The following NBAS variants were observed in gnomAD, a reference collection of about 807,000 sequenced individuals.
NBAS encodes the protein NBAS subunit of NRZ tethering complex.
NBAS carries 219 observed loss-of-function variants against 302.5 expected under a neutral mutation model. That is an observed-to-expected ratio of 0.72 (90% CI 0.65 to 0.81). NBAS has a LOEUF of 0.81. NBAS is among the 30% of genes least tolerant of loss of function. NBAS has a pLI of 0.00. For missense variants in NBAS, 2,932 were observed against 2,841.6 expected (o/e 1.03, Z -0.72); for synonymous variants, 1,118 against 1,021.6 (o/e 1.09, Z -1.80).
intron 48 of NBAS, 24 bp downstream of exon 48, chr2:15,218,749 A>G (rs980419373): frequency 4.3e-6 from 7 of 1,614,032 alleles, no homozygotes; most frequent in African/African-American, 4.0e-5. Context: ...AGTAAGAAAA[A>G]TAATCATTCA....
chr2:15,345,332 G>A (rs751016838), intron 35 of NBAS, among the ~76,000 whole-genome samples: 3 of 152,220 alleles, frequency 2.0e-5, no homozygotes, highest in Non-Finnish European at 4.4e-5. Context: ...AAATCAATAT[G>A]TAAAAACCAC....
chr2:15,346,770 G>A (rs932290847), intron 35 of NBAS, among the ~76,000 whole-genome samples: 1 of 152,194 alleles, frequency 6.6e-6, no homozygotes, highest in Non-Finnish European at 1.5e-5. Context: ...ATCAAGGACA[G>A]ACTGGATAAA....
chr2:14,893,659 T>C, the NBAS span, among the ~76,000 whole-genome samples: 1 of 152,206 alleles, frequency 6.6e-6, no homozygotes. Flanking sequence ...TGAATAACTT[T>C]CAGTGGATTT....
At chr2:14,865,788 C>T in the NBAS span, among the ~76,000 whole-genome samples, 1 of 145,320 alleles carries the variant, frequency 6.9e-6, no homozygotes, top group Non-Finnish European at 1.5e-5. Flanking sequence ...ATCCTCACAA[C>T]AATCCTATGA....
At chr2:15,082,299 G>A in the NBAS span, among the ~76,000 whole-genome samples, 1 of 152,166 alleles carries the variant, frequency 6.6e-6, no homozygotes, top group Non-Finnish European at 1.5e-5. Context: ...GTATTCAACA[G>A]GTGTTTATGG....
the NBAS span, among the ~76,000 whole-genome samples, chr2:15,141,356 T>G: frequency 6.6e-6 from 1 of 152,242 alleles, no homozygotes; most frequent in Non-Finnish European, 1.5e-5. Flanking sequence ...TACCGGGGAC[T>G]GCCCAGTGAG....
At chr2:15,016,758 A>G in the NBAS span, among the ~76,000 whole-genome samples, 4 of 152,194 alleles carry the variant, frequency 2.6e-5, no homozygotes, top group African/African-American at 4.8e-5. Flanking sequence ...ACATCATGGT[A>G]CTGGCATAAA....
the NBAS span, among the ~76,000 whole-genome samples, chr2:14,973,456 A>G: frequency 6.6e-6 from 1 of 152,248 alleles, no homozygotes; most frequent in Non-Finnish European, 1.5e-5. Flanking sequence ...CTTTGAATGT[A>G]TGCATTCCAC....
intron 11 of NBAS, among the ~76,000 whole-genome samples, chr2:15,500,044 G>A (rs1254820366): frequency 6.6e-6 from 1 of 152,138 alleles, no homozygotes; most frequent in Non-Finnish European, 1.5e-5. Context: ...TGGAGAACGA[G>A]TTGTACTTTC....
At chr2:14,832,749 A>G in the NBAS span, among the ~76,000 whole-genome samples, 1 of 152,166 alleles carries the variant, frequency 6.6e-6, no homozygotes, top group South Asian at 2.1e-4. Flanking sequence ...CATGGATTCT[A>G]CACTAGGGTT....
the NBAS span, among the ~76,000 whole-genome samples, chr2:14,950,722 CTGGG>C: frequency 6.6e-6 from 1 of 152,110 alleles, no homozygotes. Context: ...CAAGCTGAGG[CTGGG>C]TGGTGGACAG....
At chr2:14,874,482 T>C in the NBAS span, among the ~76,000 whole-genome samples, 1 of 104,440 alleles carries the variant, frequency 9.6e-6, no homozygotes, top group Non-Finnish European at 2.1e-5. Context: ...AAAAAAAAAA[T>C]ACAAAAAATG....
chr2:14,912,366 G>A, the NBAS span, among the ~76,000 whole-genome samples: 4 of 152,184 alleles, frequency 2.6e-5, no homozygotes, highest in South Asian at 8.3e-4. Flanking sequence ...ACTAATAAAT[G>A]TCATTAATTA....
the NBAS span, among the ~76,000 whole-genome samples, chr2:15,010,402 C>T: frequency 6.6e-6 from 1 of 152,132 alleles, no homozygotes; most frequent in Non-Finnish European, 1.5e-5. Flanking sequence ...GTGAGAAAAA[C>T]ACACACATCA....
chr2:15,238,835 T>C lies in NBAS; in HGVS notation c.5725-149A>G, dbSNP rs566245756. 6 of 664,018 alleles carry C rather than the reference T, an allele frequency of 9.0e-6. No homozygotes were observed. In the East Asian group the frequency reaches 1.7e-4, roughly 19 times the overall value. The allele number at this position is 664,018 out of a possible 1,614,324, so 41.1% of individuals were successfully genotyped here. On this transcript the variant is annotated intron_variant, in intron 44 of 51. Transcript: ENST00000281513. Reference sequence around the variant, plus strand: ...ACTTGTTATACTAGTTTTTCTTCTGTGAAGAAAACAAAAAGTGAGGTGCCA... The same window carrying C: ...ACTTGTTATACTAGTTTTTCTTCTGCGAAGAAAACAAAAAGTGAGGTGCCA...
chr2:15,019,073 T>C, the NBAS span, among the ~76,000 whole-genome samples: 1 of 152,198 alleles, frequency 6.6e-6, no homozygotes, highest in Non-Finnish European at 1.5e-5. Context: ...AATGAAATGG[T>C]AATGATTTCA....
the NBAS span, among the ~76,000 whole-genome samples, chr2:15,036,911 T>C: frequency 6.6e-6 from 1 of 152,042 alleles, no homozygotes. Context: ...TTAGACTCCC[T>C]AGGGGATACC....
At chr2:15,164,643 G>T (rs1438043589), downstream of NBAS, among the ~76,000 whole-genome samples, 1 of 152,154 alleles carries the variant, frequency 6.6e-6, no homozygotes, top group African/African-American at 2.4e-5. Context: ...TGTTTTCAGA[G>T]AAAGGTTTGG....
the NBAS span, among the ~76,000 whole-genome samples, chr2:15,033,602 A>AT: frequency 6.6e-6 from 1 of 152,106 alleles, no homozygotes; most frequent in Non-Finnish European, 1.5e-5. Flanking sequence ...GTATTTGGGG[A>AT]TAGGGCCTTT....
Sources: allele counts gnomAD v4.1 joint callset (sites outside exome capture counted in the v4.1 genomes callset), GRCh38; gene constraint gnomAD v4.1.1; transcripts MANE v1.5; gene names NCBI Gene and HGNC (gene_info 2026-07-23, HGNC 2026-07-21).